The following PCDHGB1 variants were observed in gnomAD, a reference collection of about 807,000 sequenced individuals.
The protein encoded by PCDHGB1 is protocadherin gamma subfamily B, 1.
A neutral mutation model predicts 56.6 loss-of-function variants in PCDHGB1; 34 were observed. The observed-to-expected ratio is 0.60, with a 90% CI of 0.46 to 0.80. The LOEUF (loss-of-function observed/expected upper bound fraction) is 0.80. PCDHGB1 is among the 30% of genes least tolerant of loss of function. The probability of loss-of-function intolerance (pLI) is 0.00; values close to 1 mark genes in which losing one functional copy is unlikely to be tolerated. For synonymous variants in PCDHGB1, 561 were observed against 505.9 expected (o/e 1.11, Z -1.46); for missense variants, 1,278 against 1,204.6 (o/e 1.06, Z -0.90).
At chr5:141,470,015 G>C (rs999085849) in intron 1 of PCDHGB1, among the ~76,000 whole-genome samples, 1 of 152,130 alleles carries the variant, frequency 6.6e-6, no homozygotes, top group Non-Finnish European at 1.5e-5. Context: ...TGTAATCCCA[G>C]CTACTCGGGA....
At position 141,404,344 on chromosome 5, in the gene PCDHGB1, C is replaced by T. The variant is rs755599341; in HGVS notation, c.2409+51675C>T. 1.1e-5 allele frequency: 18 copies of T among 1,613,954 alleles called. No homozygotes were observed. In the East Asian group the frequency reaches 3.8e-4, roughly 34 times the overall value. ...CCTACTCAGTCTACCTCCCGGAAAA[C>T]AACGCCAGAGGTACTTCCATCTTCT... On this transcript the variant is annotated intron_variant, in intron 1 of 3. Coordinates refer to ENST00000523390, the MANE Select transcript of PCDHGB1 (RefSeq NM_018922.3).
intron 1 of PCDHGB1, chr5:141,433,041 C>G (rs1171788078): frequency 6.2e-7 from 1 of 1,614,036 alleles, no homozygotes; most frequent in Non-Finnish European, 8.5e-7. Flanking sequence ...TCCCTCACCA[C>G]GGACTCGCGG....
At chr5:141,507,450 CAG>C (rs940460926) in intron 3 of PCDHGB1, among the ~76,000 whole-genome samples, 3 of 152,168 alleles carry the variant, frequency 2.0e-5, no homozygotes, top group African/African-American at 7.2e-5. Flanking sequence ...GACGGAAGGA[CAG>C]AGAGAGAGGT....
chr5:141,387,763 A>T, intron 1 of PCDHGB1: 2 of 1,425,584 alleles, frequency 1.4e-6, no homozygotes, highest in South Asian at 1.5e-5. Context: ...GAAAAAGAAG[A>T]ATTTTTTCTT....
rs1252377833 is a variant in PCDHGB1, at chr5:141,485,012, G to T, written c.2410-9795G>T. On this transcript the variant is annotated intron_variant, in intron 1 of 3. Coordinates refer to ENST00000523390, the MANE Select transcript of PCDHGB1 (RefSeq NM_018922.3). The surrounding 1 kb of genome is among the most constrained non-coding windows in gnomAD (Gnocchi z 5.7). Reference sequence around the variant, plus strand: ...GGTGAAAGGCAGACAAATCTACCCCGCCACCAGCAAAAACGGCGCGTAACC... The same window carrying T: ...GGTGAAAGGCAGACAAATCTACCCCTCCACCAGCAAAAACGGCGCGTAACC... The T allele has an allele frequency of 1.3e-5, 8 of 630,528 alleles. No individual in the cohort carries two copies. In the Admixed American group the frequency reaches 1.5e-4, roughly 12 times the overall value. 39.1% of individuals were successfully genotyped at this position (630,528 alleles called of 1,614,324 possible).
intron 3 of PCDHGB1, 56 bp from the exon 4 acceptor site, chr5:141,510,891 G>A (rs945706652): frequency 8.7e-6 from 14 of 1,612,762 alleles, no homozygotes; most frequent in Middle Eastern, 1.6e-4. Flanking sequence ...ATATAAGACA[G>A]TGACTGTTGA....
At chr5:141,363,379 C>A (rs1307395105) in intron 1 of PCDHGB1, among the ~76,000 whole-genome samples, 1 of 151,982 alleles carries the variant, frequency 6.6e-6, no homozygotes, top group Non-Finnish European at 1.5e-5. Flanking sequence ...AGAGGTTTTT[C>A]TATTTCTGTT....
chr5:141,429,729 A>G (rs1362403236), intron 1 of PCDHGB1, among the ~76,000 whole-genome samples: 1 of 152,240 alleles, frequency 6.6e-6, no homozygotes, highest in African/African-American at 2.4e-5. Flanking sequence ...GAAAGTACGT[A>G]GCCAGTTATT....
At chr5:141,360,020 G>A in intron 1 of PCDHGB1, 1 of 1,294,416 alleles carries the variant, frequency 7.7e-7, no homozygotes, top group South Asian at 1.6e-5. Context: ...CACAGAGAAG[G>A]CCAGTATAGA....
intron 1 of PCDHGB1, chr5:141,360,995 A>G: frequency 6.2e-7 from 1 of 1,613,650 alleles, no homozygotes; most frequent in Non-Finnish European, 8.5e-7. Context: ...GTGGACGAAC[A>G]AGTGAAACAC....
At chr5:141,393,622 A>G (rs776047060) in intron 1 of PCDHGB1, 2 of 1,613,960 alleles carry the variant, frequency 1.2e-6, no homozygotes, top group Non-Finnish European at 1.7e-6. Flanking sequence ...AGCGACCCGG[A>G]TGAGGGAATC....
intron 1 of PCDHGB1, among the ~76,000 whole-genome samples, chr5:141,467,680 T>A (rs75237059): frequency 6.6e-6 from 1 of 152,138 alleles, no homozygotes; most frequent in Non-Finnish European, 1.5e-5. Flanking sequence ...TTATTTTTTT[T>A]AGACAGGGTC....
rs756134036 is a variant in PCDHGB1 at position 141,374,596 on chromosome 5, G to GC, written c.2409+21928dup. On this transcript the variant is annotated intron_variant, in intron 1 of 3. Transcript: ENST00000523390. ...GAATGAACTCCCTTCAGGGATTTAA[G>GC]CTCAGTGGTAATAGTCACTTCTCAG... The GC allele has an allele frequency of 1.9e-6, 3 of 1,613,578 alleles. No homozygotes were observed. The African/African-American group carries it at 4.0e-5, about 22-fold the overall frequency.
At chr5:141,427,222 A>T (rs536161247) in intron 1 of PCDHGB1, 8 of 456,774 alleles carry the variant, frequency 1.8e-5, no homozygotes, top group Non-Finnish European at 3.5e-5. Flanking sequence ...CGTAGCAGTT[A>T]TACCATGAGA....
At chr5:141,365,344 G>C (rs1449148775) in intron 1 of PCDHGB1, 1 of 1,613,966 alleles carries the variant, frequency 6.2e-7, no homozygotes, top group Non-Finnish European at 8.5e-7. Context: ...TCACAGTACA[G>C]GACGTGAATG....
intron 1 of PCDHGB1, chr5:141,413,818 G>T: frequency 6.2e-7 from 1 of 1,613,138 alleles, no homozygotes; most frequent in Non-Finnish European, 8.5e-7. Context: ...TCACCACCTG[G>T]TCCTCACCGC....
In PCDHGB1 at chr5:141,361,541, C is replaced by CCTCTATCG. The variant is rs778689212; in HGVS notation, c.2409+8876_2409+8883dup. ...GTGGCAGAGAACAATCCTCCTGGCGCCTCTATCGCTCAAATCAGTGCCTCT... is the reference window on the plus strand; with the variant it reads ...GTGGCAGAGAACAATCCTCCTGGCGCCTCTATCGCTCTATCGCTCAAATCAGTGCCTCT... On this transcript the variant is annotated intron_variant, in intron 1 of 3. Coordinates refer to ENST00000523390, the MANE Select transcript of PCDHGB1 (RefSeq NM_018922.3). The CCTCTATCG allele has an allele frequency of 6.2e-6, 10 of 1,613,956 alleles. No individual in the cohort carries two copies. In the African/African-American group the frequency reaches 1.2e-4, roughly 19 times the overall value.
At chr5:141,456,837 C>G (rs550771859) in intron 1 of PCDHGB1, among the ~76,000 whole-genome samples, 70 of 152,194 alleles carry the variant, frequency 4.6e-4, no homozygotes, top group Non-Finnish European at 8.2e-4. Context: ...GTAGTGGGCG[C>G]CTGTAATCCC....
Position 141,477,598 on chromosome 5 carries a change from C to A in PCDHGB1, c.2410-17209C>A. The A allele has an allele frequency of 6.2e-7, 1 of 1,614,180 alleles. No homozygotes were observed. The highest frequency in any genetic ancestry group is 8.5e-7 in the Non-Finnish European group (1 of 1,180,030). ...CCCCGCAGAATGCTCGGCTTTCTTT[C>A]TTTCTCTTGGAGCAAGGAGCTGAAA... On this transcript the variant is annotated intron_variant, in intron 1 of 3. Transcript: ENST00000523390. This position sits in a 1 kb window ranked among gnomAD's most constrained non-coding sequence, Gnocchi z 4.9.
Sources: allele counts gnomAD v4.1 joint callset (sites outside exome capture counted in the v4.1 genomes callset), GRCh38; gene constraint gnomAD v4.1.1; non-coding constraint Gnocchi (gnomAD v3.1); transcripts MANE v1.5; gene names NCBI Gene and HGNC (gene_info 2026-07-23, HGNC 2026-07-21).